Variants in KIR2DL4 observed in about 807,000 individuals in gnomAD.
KIR2DL4 encodes the protein killer cell immunoglobulin-like receptor 2DL4.
A neutral mutation model predicts 31.0 loss-of-function variants in KIR2DL4; 41 were observed. The ratio of observed to expected loss-of-function variants is 1.32; its 90% CI spans 1.03 to 1.72. The LOEUF is 1.72. Among genes scored for constraint, KIR2DL4 ranks in the 40% most tolerant of loss-of-function variants. KIR2DL4 has a pLI of 0.00. For missense variants in KIR2DL4, 438 were observed against 353.7 expected (o/e 1.24, Z -1.91); for synonymous variants, 164 against 133.6 (o/e 1.23, Z -1.57).
rs751804453 is a variant in KIR2DL4, at chr19:54,813,902, A to G, written c.*102A>G. 3.0e-4 allele frequency: 480 copies of G among 1,612,378 alleles called. 9 individuals are homozygous for G. Among genetic ancestry groups the G allele is most frequent in the Non-Finnish European group, 3.7e-4 (441 of 1,179,690 alleles). ...CGCACAGTTGGATCACTGCATTTTC[A>G]CACAGAGAAAAATCACTGGCCCTTC... On this transcript the variant is annotated 3_prime_UTR_variant, in exon 8 of 8. Coordinates refer to ENST00000359085, the Ensembl canonical transcript of KIR2DL4.
At chr19:54,804,071 G>A in intron 2 of KIR2DL4, 145 bp downstream of exon 2, 2 of 787,624 alleles carry the variant, frequency 2.5e-6, no homozygotes, top group Non-Finnish European at 4.4e-6. Context: ...ACTAGTAAGA[G>A]GAGATCCTGG....
intron 5 of KIR2DL4, among the ~76,000 whole-genome samples, chr19:54,809,957 G>A (rs1356155176): frequency 2.0e-5 from 3 of 149,356 alleles, no homozygotes; most frequent in East Asian, 2.0e-4. Flanking sequence ...GGGGTGGGGC[G>A]GCATTCTTAT....
chr19:54,812,658 G>T (rs1477426472), intron 5 of KIR2DL4, among the ~76,000 whole-genome samples: 1 of 150,228 alleles, frequency 6.7e-6, no homozygotes. Context: ...AAGAGAAGGG[G>T]GTCCTGCGTG....
At chr19:54,814,030 C>T in exon 8 of KIR2DL4, 1 of 1,612,328 alleles carries the variant, frequency 6.2e-7, no homozygotes, top group Non-Finnish European at 8.5e-7. Context: ...ACAGTCAGGC[C>T]TTGATGGGAT....
intron 3 of KIR2DL4, 87 bp downstream of exon 3, chr19:54,805,164 T>C (rs1027428217): frequency 6.1e-6 from 8 of 1,319,980 alleles, no homozygotes; most frequent in African/African-American, 1.5e-5. Flanking sequence ...AGTCCGATCA[T>C]CCAGGCCCCA....
chr19:54,806,194 C>G, exon 4 of KIR2DL4: 1 of 1,611,544 alleles, frequency 6.2e-7, no homozygotes, highest in Non-Finnish European at 8.5e-7. Context: ...TTCCATGGAT[C>G]TCCCTACGAG....
intron 4 of KIR2DL4, among the ~76,000 whole-genome samples, chr19:54,806,888 G>A (rs4806447): frequency 0.042 from 6,279 of 150,712 alleles, 303 homozygotes; most frequent in East Asian, 0.091. Context: ...GGTGCCAGGC[G>A]CCTATAATCC....
At chr19:54,810,627 C>T (rs2060806310) in intron 5 of KIR2DL4, among the ~76,000 whole-genome samples, 1 of 151,198 alleles carries the variant, frequency 6.6e-6, no homozygotes. Flanking sequence ...AGAGGCTCTG[C>T]CTGAAATGCT....
rs1457072041 is a variant in KIR2DL4, at chr19:54,806,232, GT to G, written c.646del (p.Ser216LeufsTer29). On this transcript the variant is annotated frameshift_variant, in exon 4 of 8. Coordinates refer to ENST00000359085, the Ensembl canonical transcript of KIR2DL4. LOFTEE classifies it high-confidence loss of function. ...GTCAGACCCGAGTGACCCACTGCCT[GT>G]TTCTGTCACAGGTGAGGAAAGCCAA... The G allele has an allele frequency of 6.2e-7, 1 of 1,609,952 alleles. No homozygotes were observed. Among genetic ancestry groups the G allele is most frequent in the Non-Finnish European group, 8.5e-7 (1 of 1,178,816 alleles).
In KIR2DL4 at chr19:54,811,492, A is replaced by C. The variant is rs1436327841; in HGVS notation, c.707-1633A>C. ...ATCATCATTTTTCTATTTCTCTATA[A>C]TGACTTCTTTGATCCTTTATCCTAT... On this transcript the variant is annotated intron_variant, in intron 5 of 7. Transcript: ENST00000359085. 2.0e-5 allele frequency among the ~76,000 whole-genome samples: 3 copies of C among 151,282 alleles called. 1 individual carries two copies. The South Asian group carries it at 6.3e-4, about 32-fold the overall frequency.
intron 4 of KIR2DL4, among the ~76,000 whole-genome samples, chr19:54,807,845 C>T (rs754048609): frequency 5.3e-5 from 8 of 149,714 alleles, no homozygotes; most frequent in Non-Finnish European, 1.2e-4. Context: ...CACCACCTTG[C>T]CAACATTTGT....
intron 5 of KIR2DL4, among the ~76,000 whole-genome samples, chr19:54,811,291 G>A (rs3786857): frequency 0.29 from 43,274 of 150,534 alleles, 7,522 homozygotes; most frequent in East Asian, 0.5. Flanking sequence ...CCAGCTATTC[G>A]GGAAGTTGAA....
In KIR2DL4 at chr19:54,814,068, A is replaced by G. The variant is rs1447856154; in HGVS notation, c.*268A>G. The G allele has an allele frequency of 9.3e-6, 15 of 1,612,198 alleles. No homozygotes were observed. The South Asian group carries it at 1.7e-4, about 18-fold the overall frequency. On this transcript the variant is annotated 3_prime_UTR_variant, in exon 8 of 8. Transcript: ENST00000359085. Reference sequence around the variant, plus strand: ...TCTAGGGAGACAACAGCCCTGTCTCAAACCCAGCTTGCCAGCTCTAATGTA... The same window carrying G: ...TCTAGGGAGACAACAGCCCTGTCTCGAACCCAGCTTGCCAGCTCTAATGTA...
chr19:54,803,944 T>C lies in KIR2DL4; in HGVS notation c.76+18T>C. 1.2e-6 allele frequency: 2 copies of C among 1,606,768 alleles called. No individual in the cohort carries two copies. Among genetic ancestry groups the C allele is most frequent in the Non-Finnish European group, 8.5e-7 (1 of 1,176,466 alleles). ...ACACGTGGGTGAGTCCTTCCCCAAA[T>C]GATGGGTTGCCATCTTCACCCCAAT... On this transcript the variant is annotated intron_variant, in intron 2 of 7. Coordinates refer to ENST00000359085, the Ensembl canonical transcript of KIR2DL4.
Position 54,812,770 on chromosome 19 carries a change from G to A in KIR2DL4, c.707-355G>A, listed in dbSNP as rs2060938238. ...TCAACTCTCCAGGGTACTAATAGAG[G>A]GAGAACTTGCTAACCCCGTCCTCTG... On this transcript the variant is annotated intron_variant, in intron 5 of 7. Coordinates refer to ENST00000359085, the Ensembl canonical transcript of KIR2DL4. Among the ~76,000 whole-genome samples, 2 of 144,868 alleles carry A rather than the reference G, an allele frequency of 1.4e-5. 1 individual carries two copies. The highest frequency in any genetic ancestry group is 5.4e-5 in the African/African-American group (2 of 37,106).
exon 4 of KIR2DL4, chr19:54,806,238 G>A: frequency 1.2e-6 from 2 of 1,609,844 alleles, no homozygotes; most frequent in Non-Finnish European, 1.7e-6. Flanking sequence ...GCCTGTTTCT[G>A]TCACAGGTGA....
In KIR2DL4 at chr19:54,804,865, G is replaced by A. The variant is rs377230503; in HGVS notation, c.149G>A (p.Arg50Gln). The A allele has an allele frequency of 4.3e-5, 69 of 1,611,932 alleles. 3 individuals carry two copies. The highest frequency in any genetic ancestry group is 3.3e-4 in the Middle Eastern group (2 of 6,072). Residue 50 changes from arginine (R) to glutamine (Q), a missense_variant, in exon 3 of 8, where the codon CGG (arginine) becomes CAG (glutamine). By Grantham distance (43) the Arg-to-Gln change is conservative (BLOSUM62 1). Transcript: ENST00000359085. ...CCTCAAGGAGGACACGTGACTCTTCGGTGTCACTATCGTCGTGGGTTTAAC... is the reference window on the plus strand; with the variant it reads ...CCTCAAGGAGGACACGTGACTCTTCAGTGTCACTATCGTCGTGGGTTTAAC...
intron 6 of KIR2DL4, 72 bp from the exon 6 acceptor site, chr19:54,813,618 T>G: frequency 6.7e-7 from 1 of 1,483,384 alleles, no homozygotes; most frequent in Non-Finnish European, 9.4e-7. Flanking sequence ...CCCCTGTGTG[T>G]TGGTATCTGT....
rs926695511 is a variant in KIR2DL4, at chr19:54,814,133, A to G, written c.*333A>G. 365 of 1,605,244 alleles carry G rather than the reference A, an allele frequency of 2.3e-4. 1 individual carries two copies. Among genetic ancestry groups the G allele is most frequent in the Non-Finnish European group, 2.9e-4 (340 of 1,178,484 alleles). ...CTGAAGGCGTGAGTCTCCATCTTAG[A>G]GCATCACTCTTCCTCACACCACAAA... On this transcript the variant is annotated 3_prime_UTR_variant, in exon 8 of 8. Transcript: ENST00000359085.
Sources: allele counts gnomAD v4.1 joint callset (sites outside exome capture counted in the v4.1 genomes callset), GRCh38; gene constraint gnomAD v4.1.1; transcripts MANE v1.5; gene names NCBI Gene and HGNC (gene_info 2026-07-23, HGNC 2026-07-21).